The following C5 variants were observed in gnomAD, a reference collection of about 807,000 sequenced individuals.
C5 encodes complement C5.
Under a neutral mutation model 218.8 loss-of-function variants are expected in C5, and 140 were observed. The ratio of observed to expected loss-of-function variants is 0.64; its 90% confidence interval spans 0.56 to 0.74. C5 has a LOEUF of 0.74. C5 is among the 30% of genes least tolerant of loss of function. The pLI is 0.00. For synonymous variants in C5, 614 were observed against 682.3 expected (o/e 0.90, Z 1.56); for missense variants, 1,700 against 1,969.6 (o/e 0.86, Z 2.59).
chr9:121,038,934 G>A (rs1044081843), intron 3 of C5, among the ~76,000 whole-genome samples: 1 of 151,996 alleles, frequency 6.6e-6, no homozygotes, highest in African/African-American at 2.4e-5. Flanking sequence ...CTGCTTTTTG[G>A]GACACACCCA....
chr9:120,977,358 T>C lies in C5; in HGVS notation c.3659-453A>G, dbSNP rs569831469. On this transcript the variant is annotated intron_variant, in intron 28 of 40. Transcript: ENST00000223642. The stretch of plus-strand genomic sequence containing the variant: ...GTCCCATCCCCAAGATATATCATTA[T>C]GTATATGTAAATATTCCAAAATCTG... 3.9e-5 allele frequency among the ~76,000 whole-genome samples: 6 copies of C among 152,372 alleles called. No homozygotes were observed. In the South Asian group the frequency reaches 1.0e-3, roughly 26 times the overall value.
chr9:121,011,146 A>C (rs891214184), intron 17 of C5, among the ~76,000 whole-genome samples: 10 of 152,204 alleles, frequency 6.6e-5, no homozygotes, highest in African/African-American at 2.4e-4. Context: ...ACATCAAGTT[A>C]AAGAGCTTCT....
chr9:121,065,074 AATATAT>A, the C5 span, among the ~76,000 whole-genome samples: 1 of 150,334 alleles, frequency 6.7e-6, no homozygotes, highest in Non-Finnish European at 1.5e-5. Flanking sequence ...CATCTAAAAA[AATATAT>A]ATATATATAT....
chr9:120,986,598 A>G (rs2047034584), intron 25 of C5, among the ~76,000 whole-genome samples: 1 of 143,578 alleles, frequency 7.0e-6, no homozygotes, highest in Non-Finnish European at 1.5e-5. Flanking sequence ...CTGAGTGTTT[A>G]CTGAGAGGCT....
chr9:121,041,190 C>A (rs959186353), intron 3 of C5, among the ~76,000 whole-genome samples: 1 of 151,074 alleles, frequency 6.6e-6, no homozygotes, highest in Admixed American at 6.6e-5. Flanking sequence ...GTGATCCACC[C>A]GCCTGGGCTT....
intron 9 of C5, among the ~76,000 whole-genome samples, 191 bp from the exon 10 acceptor site, chr9:121,023,710 C>T (rs373536575): frequency 6.6e-6 from 1 of 152,250 alleles, no homozygotes; most frequent in South Asian, 2.1e-4. Context: ...GAGTTTAGAC[C>T]TCAGGAGTTT....
intron 3 of C5, 121 bp downstream of exon 3, chr9:121,042,882 GT>G: frequency 1.4e-6 from 1 of 726,484 alleles, no homozygotes; most frequent in South Asian, 1.8e-5. Flanking sequence ...GGAATTGAGA[GT>G]CTTTTGAGCA....
chr9:120,998,120 A>C (rs1337414612), intron 20 of C5, among the ~76,000 whole-genome samples: 2 of 152,172 alleles, frequency 1.3e-5, no homozygotes, highest in Non-Finnish European at 2.9e-5. Context: ...GAAATACTTT[A>C]TCTCTAAAAA....
upstream of C5, among the ~76,000 whole-genome samples, chr9:121,051,396 T>C (rs2047670285): frequency 6.6e-6 from 1 of 152,152 alleles, no homozygotes; most frequent in African/African-American, 2.4e-5. Flanking sequence ...AGTACTGGGA[T>C]TACAGGCATG....
chr9:121,074,696 TG>T, the C5 span: 1 of 419,966 alleles, frequency 2.4e-6, no homozygotes, highest in Non-Finnish European at 4.8e-6. Context: ...GCCACAGCAC[TG>T]CGGGCAGCTG....
chr9:120,963,171 CA>C (rs1170604224), intron 34 of C5, among the ~76,000 whole-genome samples: 2 of 152,184 alleles, frequency 1.3e-5, no homozygotes, highest in Non-Finnish European at 2.9e-5. Context: ...GCTTCTGCTT[CA>C]CTTTGATAAA....
chr9:121,006,152 AGG>A, intron 19 of C5, 94 bp from the exon 20 acceptor site: 2 of 1,234,364 alleles, frequency 1.6e-6, no homozygotes, highest in Admixed American at 3.5e-5. Flanking sequence ...CTTTACTTCA[AGG>A]AAAAAATAAT....
At chr9:121,037,858 A>G in intron 4 of C5, 23 bp downstream of exon 4, 2 of 1,108,052 alleles carry the variant, frequency 1.8e-6, no homozygotes, top group Non-Finnish European at 2.6e-6. Flanking sequence ...TTAAAGTATT[A>G]TTTAAATAAA....
At chr9:121,059,622 T>C in the C5 span, among the ~76,000 whole-genome samples, 2 of 152,256 alleles carry the variant, frequency 1.3e-5, no homozygotes, top group Non-Finnish European at 2.9e-5. This position sits in a 1 kb window ranked among gnomAD's most constrained non-coding sequence, Gnocchi z 4.1. Context: ...CATGCCTCTG[T>C]GTGGTCCCTT....
At chr9:120,969,161 A>C (rs1217830994) in intron 32 of C5, 43 bp from the exon 33 acceptor site, 2 of 1,540,602 alleles carry the variant, frequency 1.3e-6, no homozygotes, top group Admixed American at 1.7e-5. Context: ...ATATAAGAGT[A>C]AACTGTTTTC....
intron 3 of C5, among the ~76,000 whole-genome samples, chr9:121,041,674 TGACCCTTAGTTGTGG>T (rs948266111): frequency 4.6e-5 from 7 of 152,172 alleles, no homozygotes; most frequent in African/African-American, 1.7e-4. Context: ...CAAAGACTGA[TGACCCTTAGTTGTGG>T]GACGTGTCAA....
chr9:121,068,524 G>A, the C5 span, among the ~76,000 whole-genome samples: 1 of 152,216 alleles, frequency 6.6e-6, no homozygotes, highest in African/African-American at 2.4e-5. Flanking sequence ...TGGATCAGAA[G>A]AATCAATATT....
chr9:121,013,843 C>A (rs751015949), intron 17 of C5, 30 bp downstream of exon 17: 2 of 1,579,892 alleles, frequency 1.3e-6, no homozygotes, highest in Admixed American at 1.7e-5. Context: ...CCATATTGAG[C>A]AGAATTCTGA....
chr9:121,007,074 T>G (rs562533585), intron 18 of C5, 97 bp from the exon 19 acceptor site: 1 of 866,956 alleles, frequency 1.2e-6, no homozygotes, highest in Admixed American at 1.8e-5. Context: ...TCAAACTACT[T>G]TAGAGAAAGA....
Sources: gnomAD v4.1 joint callset for allele counts (sites outside exome capture counted in the v4.1 genomes callset) on GRCh38, gnomAD v4.1.1 for gene constraint, Gnocchi (gnomAD v3.1) non-coding constraint, MANE v1.5 for transcripts, NCBI Gene and HGNC (gene_info 2026-07-23, HGNC 2026-07-21) for gene names.